The following ITGB6 variants were observed in gnomAD, a reference collection of about 807,000 sequenced individuals.
ITGB6 encodes the protein integrin subunit beta 6.
Under a neutral mutation model 84.5 loss-of-function variants are expected in ITGB6, and 80 were observed. The ratio of observed to expected loss-of-function variants is 0.95; its 90% CI spans 0.79 to 1.14. ITGB6 has a LOEUF of 1.14. Ranked by LOEUF, ITGB6 falls within the 50% of genes most tolerant of loss-of-function variation. The pLI is 0.00. For missense variants in ITGB6, 1,006 were observed against 968.0 expected, an observed-to-expected ratio of 1.04 and a Z score of -0.52; for synonymous variants, 383 against 354.9, an observed-to-expected ratio of 1.08 and a Z score of -0.89.
In ITGB6 at chr2:160,188,872, G is replaced by T. The variant is rs139469904; in HGVS notation, c.593+6497C>A. On this transcript the variant is annotated intron_variant, in intron 4 of 14. Transcript: ENST00000283249. ...ACCCACCTAAGCCTCCCAAAACGCT[G>T]GGATTGCAGGCGTGAGCCATCACAC... Among the ~76,000 whole-genome samples the T allele has an allele frequency of 1.6e-3, 240 of 152,172 alleles. 1 individual carries two copies. Among genetic ancestry groups the T allele is most frequent in the African/African-American group, 5.4e-3 (226 of 41,536 alleles).
intron 10 of ITGB6, among the ~76,000 whole-genome samples, chr2:160,135,604 T>G (rs1380775592): frequency 2.6e-5 from 4 of 151,718 alleles, no homozygotes; most frequent in African/African-American, 7.3e-5. Context: ...AAGTCAATCC[T>G]AAGCCAAAAG....
In ITGB6 at chr2:160,131,743, G is replaced by A. The variant is rs141900750; in HGVS notation, c.1661-5142C>T. ...GAAATCGGCATTGGTGAAGTTTTCT[G>A]AGTCTAGCTAAATAAATCGTATTTT... On this transcript the variant is annotated intron_variant, in intron 10 of 14. Transcript: ENST00000283249. Among the ~76,000 whole-genome samples, 32 of 152,286 alleles carry A rather than the reference G, an allele frequency of 2.1e-4. No homozygotes were observed. In the East Asian group the frequency reaches 5.8e-3, roughly 27 times the overall value.
chr2:160,143,085 C>T (rs115063350), intron 7 of ITGB6, among the ~76,000 whole-genome samples: 2 of 151,994 alleles, frequency 1.3e-5, no homozygotes, highest in East Asian at 1.9e-4. Context: ...CTCAGGAGTT[C>T]GAGACCAGCC....
In ITGB6 at chr2:160,137,525, G is replaced by C. The variant is rs745321994; in HGVS notation, c.1569C>G (p.Ile523Met). 1.9e-6 allele frequency: 3 copies of C among 1,614,088 alleles called. No homozygotes were observed. The highest frequency in any genetic ancestry group is 2.7e-5 in the African/African-American group (2 of 74,918). The change falls in exon 10 of 15, where the codon ATC becomes ATG. Residue 523 changes from isoleucine to methionine, a missense_variant. Coordinates refer to ENST00000283249, the MANE Select transcript of ITGB6 (RefSeq NM_000888.5). ...GRGDCYCGQCICHLSPYGNIY... is the reference protein window; with the variant it reads ...GRGDCYCGQCMCHLSPYGNIY... The stretch of plus-strand genomic sequence containing the variant: ...TGTTTCCATAGGGAGACAAGTGGCA[G>C]ATACACTGCCCACAGTAGCAGTCAC...
chr2:160,182,760 C>T (rs149396134), intron 4 of ITGB6, among the ~76,000 whole-genome samples: 1,966 of 152,248 alleles, frequency 0.013, 21 homozygotes, highest in Middle Eastern at 0.031. Flanking sequence ...GGGTTACCCA[C>T]GAAGAGAAGC....
At chr2:160,143,020 G>C (rs913847313) in intron 7 of ITGB6, among the ~76,000 whole-genome samples, 3 of 152,178 alleles carry the variant, frequency 2.0e-5, no homozygotes, top group African/African-American at 7.2e-5. Context: ...AGGAATGCTG[G>C]CTCACATCTG....
At chr2:160,165,033 T>G (rs1684954089) in intron 7 of ITGB6, among the ~76,000 whole-genome samples, 1 of 152,184 alleles carries the variant, frequency 6.6e-6, no homozygotes, top group South Asian at 2.1e-4. Context: ...TACTATCAAT[T>G]AAGGAGAAAT....
At chr2:160,199,110 C>T (rs1302101483) in intron 2 of ITGB6, 69 bp downstream of exon 2, 12 of 1,273,038 alleles carry the variant, frequency 9.4e-6, no homozygotes, top group African/African-American at 1.5e-5. Context: ...TCAGAAATAT[C>T]ACTGAGGAAA....
intron 7 of ITGB6, among the ~76,000 whole-genome samples, chr2:160,161,763 T>C (rs1001045540): frequency 6.6e-6 from 1 of 152,210 alleles, no homozygotes; most frequent in African/African-American, 2.4e-5. Flanking sequence ...TTCATTTTGT[T>C]TTGGTCATAC....
rs4078236 is a variant in ITGB6, at chr2:160,101,948, A to T, written c.2269-114T>A. The T allele has an allele frequency of 0.16, 100,593 of 638,552 alleles. 8,993 individuals carry two copies. Among genetic ancestry groups the T allele is most frequent in the Admixed American group, 0.34 (11,366 of 33,078 alleles). The allele number at this position is 638,552 out of a possible 1,614,324, so 39.6% of individuals were successfully genotyped here. On this transcript the variant is annotated intron_variant, in intron 14 of 14. Transcript: ENST00000283249. ...CAAGCTCAGTCTTGGAAACCATTAG[A>T]ACAATTTTGATTAATTTGGCATTTC... is the stretch of plus-strand genomic sequence containing the variant.
At chr2:160,174,822 G>A (rs534825438) in intron 4 of ITGB6, among the ~76,000 whole-genome samples, 1 of 152,232 alleles carries the variant, frequency 6.6e-6, no homozygotes, top group African/African-American at 2.4e-5. Context: ...CTTTGGGCAA[G>A]TTACTCAACA....
At chr2:160,119,879 A>G (rs1289231542) in intron 12 of ITGB6, among the ~76,000 whole-genome samples, 1 of 152,234 alleles carries the variant, frequency 6.6e-6, no homozygotes, top group African/African-American at 2.4e-5. Flanking sequence ...CACTTGTCAA[A>G]AGAAGACATT....
At chr2:160,105,999 T>C (rs955973877) in intron 14 of ITGB6, among the ~76,000 whole-genome samples, 1 of 152,172 alleles carries the variant, frequency 6.6e-6, no homozygotes, top group South Asian at 2.1e-4. Flanking sequence ...TCCACAGTTA[T>C]CACAGTTCTG....
intron 4 of ITGB6, among the ~76,000 whole-genome samples, chr2:160,182,173 G>A (rs1415290666): frequency 1.3e-5 from 2 of 152,144 alleles, no homozygotes; most frequent in African/African-American, 4.8e-5. Flanking sequence ...GGCTTCAGAA[G>A]GTGAGTAATA....
intron 10 of ITGB6, 55 bp downstream of exon 10, chr2:160,137,379 C>T: frequency 6.6e-7 from 1 of 1,524,638 alleles, no homozygotes; most frequent in Non-Finnish European, 8.9e-7. Context: ...GGATGCCAAG[C>T]CCCTTGCTGA....
intron 14 of ITGB6, among the ~76,000 whole-genome samples, chr2:160,103,661 A>G (rs1357002957): frequency 1.3e-5 from 2 of 152,186 alleles, no homozygotes; most frequent in East Asian, 3.9e-4. Flanking sequence ...ATTAAATTTG[A>G]GACTAGAATC....
At chr2:160,172,419 G>T in intron 6 of ITGB6, 150 bp downstream of exon 6, 1 of 686,960 alleles carries the variant, frequency 1.5e-6, no homozygotes, top group Non-Finnish European at 2.3e-6. Flanking sequence ...TGAGGATGGT[G>T]AGAATCGAGC....
At chr2:160,135,713 C>G (rs3951226) in intron 10 of ITGB6, among the ~76,000 whole-genome samples, 1 of 151,468 alleles carries the variant, frequency 6.6e-6, no homozygotes, top group Admixed American at 6.6e-5. Flanking sequence ...GAGATATAGA[C>G]CAATGGAACA....
intron 4 of ITGB6, among the ~76,000 whole-genome samples, chr2:160,179,336 G>T (rs1194432244): frequency 6.6e-6 from 1 of 150,486 alleles, no homozygotes; most frequent in African/African-American, 2.4e-5. Flanking sequence ...ATATGTTTAT[G>T]TGTGTGAACA....
Sources: gnomAD v4.1 joint callset for allele counts (sites outside exome capture counted in the v4.1 genomes callset) on GRCh38, gnomAD v4.1.1 for gene constraint, MANE v1.5 for transcripts, NCBI Gene and HGNC (gene_info 2026-07-23, HGNC 2026-07-21) for gene names.